BCAS1: variants seen among roughly 807,000 people sequenced by gnomAD.
BCAS1 encodes the protein brain enriched myelin associated protein 1, also known as breast carcinoma-amplified sequence 1.
BCAS1 carries 46 observed loss-of-function variants against 65.4 expected under a neutral mutation model. The observed-to-expected ratio is 0.70, with a 90% CI of 0.55 to 0.90. The LOEUF is 0.90. Among genes scored for constraint, BCAS1 ranks in the 40% least tolerant of loss-of-function variants. The pLI, the probability that BCAS1 is intolerant of heterozygous loss-of-function variation, is 0.00. For missense variants in BCAS1, 793 were observed against 771.2 expected, an observed-to-expected ratio of 1.03 and a Z score of -0.33; for synonymous variants, 298 against 293.5, an observed-to-expected ratio of 1.02 and a Z score of -0.16.
At chr20:54,053,143 C>T (rs922399046) in intron 3 of BCAS1, among the ~76,000 whole-genome samples, 3 of 152,122 alleles carry the variant, frequency 2.0e-5, no homozygotes, top group South Asian at 2.1e-4. Flanking sequence ...TACTCCAAAA[C>T]GGGACACTCA....
rs185801756 is a variant in BCAS1 at position 54,008,125 on chromosome 20, C to T, written c.724-12075G>A. On this transcript the variant is annotated intron_variant, in intron 4 of 12. Transcript: ENST00000688948. ...ATGACCATACTACTCCAGCCAAATA[C>T]CACAGGACATTCTGTGGTCTCACCA... Among the ~76,000 whole-genome samples the T allele has an allele frequency of 2.6e-3, 391 of 152,322 alleles. 2 individuals carry two copies. Among genetic ancestry groups the T allele is most frequent in the African/African-American group, 9.2e-3 (384 of 41,560 alleles).
intron 10 of BCAS1, among the ~76,000 whole-genome samples, chr20:53,965,281 G>A (rs1040467905): frequency 6.6e-6 from 1 of 152,094 alleles, no homozygotes; most frequent in Admixed American, 6.5e-5. Flanking sequence ...CAAGGGTTTT[G>A]TTTTGTTTTG....
At chr20:53,950,489 CA>C (rs990782364) in intron 12 of BCAS1, among the ~76,000 whole-genome samples, 6 of 151,670 alleles carry the variant, frequency 4.0e-5, no homozygotes, top group African/African-American at 1.5e-4. Flanking sequence ...CATCCATACT[CA>C]GGCAAACTCT....
At chr20:53,978,740 C>G (rs2090401200) in intron 8 of BCAS1, among the ~76,000 whole-genome samples, 1 of 152,126 alleles carries the variant, frequency 6.6e-6, no homozygotes, top group South Asian at 2.1e-4. Flanking sequence ...AATAAGAATT[C>G]AAAAATGGAT....
At chr20:53,996,125 C>G in intron 4 of BCAS1, 75 bp from the exon 5 acceptor site, 4 of 1,460,114 alleles carry the variant, frequency 2.7e-6, no homozygotes, top group Non-Finnish European at 3.7e-6. Flanking sequence ...GCTTCACACC[C>G]CTTTCTCTCT....
intron 9 of BCAS1, among the ~76,000 whole-genome samples, chr20:53,970,695 T>C (rs2090157664): frequency 6.6e-6 from 1 of 152,056 alleles, no homozygotes; most frequent in African/African-American, 2.4e-5. Flanking sequence ...CAGTGAAGAG[T>C]TTCCCTTTTT....
Position 53,992,584 on chromosome 20 carries a change from A to G in BCAS1, c.990T>C (p.Ala330=). The change falls in exon 7 of 13, where the codon GCT becomes GCC. Residue 330 remains alanine, a synonymous_variant. Coordinates refer to ENST00000688948, the MANE Select transcript of BCAS1 (RefSeq NM_001366298.2). ...CCAGGTGCTTTTTCTTGGTGCCTCTAGCCTGGATCTCGGATGTCTTCTGAC... is the reference window on the plus strand; with the variant it reads ...CCAGGTGCTTTTTCTTGGTGCCTCTGGCCTGGATCTCGGATGTCTTCTGAC... ...QAGQKTSEIQ[A]RGTKKKHLDS... 7.3e-7 allele frequency: 1 copy of G among 1,365,180 alleles called. No individual in the cohort carries two copies. The highest frequency in any genetic ancestry group is 9.8e-7 in the Non-Finnish European group (1 of 1,021,556). The allele number at this position is 1,365,180 out of a possible 1,614,324, so 84.6% of individuals were successfully genotyped here.
intron 4 of BCAS1, among the ~76,000 whole-genome samples, chr20:54,019,137 T>C (rs1033013591): frequency 1.3e-5 from 2 of 152,194 alleles, no homozygotes; most frequent in African/African-American, 2.4e-5. Flanking sequence ...CTGGTTTATG[T>C]TTTTTATTTT....
chr20:54,059,192 G>A (rs1200237604), intron 1 of BCAS1, among the ~76,000 whole-genome samples: 1 of 152,178 alleles, frequency 6.6e-6, no homozygotes, highest in Non-Finnish European at 1.5e-5. Flanking sequence ...ATTTTACGTA[G>A]AGACACAACC....
Position 53,944,815 on chromosome 20 carries a change from G to T in BCAS1, c.*107C>A. 1.9e-6 allele frequency: 2 copies of T among 1,052,678 alleles called. No individual in the cohort carries two copies. Among genetic ancestry groups the T allele is most frequent in the Non-Finnish European group, 3.0e-6 (2 of 671,940 alleles). The allele number at this position is 1,052,678 out of a possible 1,614,324, so 65.2% of individuals were successfully genotyped here. A position where few individuals can be genotyped will look rare whatever the true frequency, so the allele number is the denominator to read the frequency against. ...TTAATTTCTAGGCAGAATTTCATTT[G>T]CTGGCCATCAGAAGAATATATACAT... On this transcript the variant is annotated 3_prime_UTR_variant, in exon 13 of 13. Coordinates refer to ENST00000688948, the MANE Select transcript of BCAS1 (RefSeq NM_001366298.2).
rs369958996 is a variant in BCAS1, at chr20:54,069,351, CT to C, written c.-6+1081del. 1.1e-4 allele frequency among the ~76,000 whole-genome samples: 16 copies of C among 152,358 alleles called. No individual in the cohort carries two copies. The South Asian group carries it at 3.3e-3, about 32-fold the overall frequency. ...TACCGCTGTTCCTGATCTTATCTTT[CT>C]GTAACATGTTCATAGTTTGTTCATC... On this transcript the variant is annotated intron_variant, in intron 1 of 12. Coordinates refer to ENST00000688948, the MANE Select transcript of BCAS1 (RefSeq NM_001366298.2).
intron 12 of BCAS1, among the ~76,000 whole-genome samples, chr20:53,953,078 T>C (rs1216368145): frequency 1.3e-5 from 2 of 152,228 alleles, no homozygotes; most frequent in African/African-American, 4.8e-5. Context: ...ATGATGTTGA[T>C]GGTGATGATG....
chr20:54,065,631 G>A (rs989637640), intron 1 of BCAS1, among the ~76,000 whole-genome samples: 2 of 152,228 alleles, frequency 1.3e-5, no homozygotes, highest in Non-Finnish European at 2.9e-5. Flanking sequence ...ACTTGGGGAT[G>A]TTCTCCTCGT....
intron 11 of BCAS1, among the ~76,000 whole-genome samples, chr20:53,954,622 T>A (rs1166784369): frequency 1.3e-5 from 2 of 152,234 alleles, no homozygotes; most frequent in Admixed American, 1.3e-4. Flanking sequence ...ATGCTTCCAA[T>A]AATTTGATGA....
Position 53,944,331 on chromosome 20 carries a change from T to G in BCAS1, c.*591A>C, listed in dbSNP as rs926699778. 6.6e-6 allele frequency: 1 copy of G among 150,930 alleles called. No homozygotes were observed. Among genetic ancestry groups the G allele is most frequent in the African/African-American group, 2.4e-5 (1 of 40,974 alleles). 9.3% of individuals were successfully genotyped at this position (150,930 alleles called of 1,614,324 possible). A position where few individuals can be genotyped will look rare whatever the true frequency, so the allele number is the denominator to read the frequency against. On this transcript the variant is annotated 3_prime_UTR_variant, in exon 13 of 13. Coordinates refer to ENST00000688948, the MANE Select transcript of BCAS1 (RefSeq NM_001366298.2). ...TGCCACTGCCTTTTTTTTTTTTTGA[T>G]AGAATCTTGCTCTGTCGCCCAGGGT...
At chr20:53,962,978 G>C (rs1393783656) in intron 10 of BCAS1, among the ~76,000 whole-genome samples, 1 of 151,958 alleles carries the variant, frequency 6.6e-6, no homozygotes, top group African/African-American at 2.4e-5. Flanking sequence ...AGCCTCCTGA[G>C]TAGCTGGGAC....
intron 8 of BCAS1, among the ~76,000 whole-genome samples, chr20:53,978,959 C>T (rs761491252): frequency 1.3e-5 from 2 of 152,118 alleles, no homozygotes; most frequent in South Asian, 2.1e-4. Flanking sequence ...CTGCTCATAG[C>T]GTTGTTTTAA....
chr20:53,990,385 G>C (rs2090725280), intron 7 of BCAS1, among the ~76,000 whole-genome samples: 1 of 152,156 alleles, frequency 6.6e-6, no homozygotes, highest in Non-Finnish European at 1.5e-5. Flanking sequence ...AGCAAAAGCT[G>C]ACACTAAATG....
rs576584688 is a variant in BCAS1 at position 54,032,092 on chromosome 20, C to T, written c.143-3120G>A. On this transcript the variant is annotated intron_variant, in intron 3 of 12. Coordinates refer to ENST00000688948, the MANE Select transcript of BCAS1 (RefSeq NM_001366298.2). ...CTAAAGGCAACTAGAGTGAAAGGCC[C>T]GGTCACCTAAAAAGGGAAGCACAGA... Among the ~76,000 whole-genome samples the T allele has an allele frequency of 7.9e-5, 12 of 151,142 alleles. 1 individual carries two copies. Among genetic ancestry groups the T allele is most frequent in the Non-Finnish European group, 1.5e-4 (10 of 67,500 alleles).
Sources: gnomAD v4.1 joint callset for allele counts (sites outside exome capture counted in the v4.1 genomes callset) on GRCh38, gnomAD v4.1.1 for gene constraint, MANE v1.5 for transcripts, NCBI Gene and HGNC (gene_info 2026-07-23, HGNC 2026-07-21) for gene names.